INPP5A: variants seen among roughly 807,000 people sequenced by gnomAD.
INPP5A encodes 43 kDa inositol polyphosphate 5-phophatase.
INPP5A carries 14 observed loss-of-function variants against 65.2 expected under a neutral mutation model. The ratio of observed to expected loss-of-function variants is 0.21; its 90% CI spans 0.14 to 0.34. The LOEUF (loss-of-function observed/expected upper bound fraction) is 0.34. INPP5A is among the 10% of genes least tolerant of loss of function. The pLI is 1.00. For missense variants in INPP5A, 431 were observed against 545.6 expected, an observed-to-expected ratio of 0.79 and a Z score of 2.09; for synonymous variants, 207 against 208.3, an observed-to-expected ratio of 0.99 and a Z score of 0.05.
chr10:132,560,883 A>T lies in INPP5A; in HGVS notation c.75+22712A>T, dbSNP rs940556288. ...CTTGGCCTCCCAAAATGCTGGGATTATAGGTGTGAACCACCATGCCCAGGC... is the reference window on the plus strand; with the variant it reads ...CTTGGCCTCCCAAAATGCTGGGATTTTAGGTGTGAACCACCATGCCCAGGC... On this transcript the variant is annotated intron_variant, in intron 1 of 15. Transcript: ENST00000368594. Among the ~76,000 whole-genome samples, 4 of 151,222 alleles carry T rather than the reference A, an allele frequency of 2.6e-5. No homozygotes were observed. The East Asian group carries it at 7.8e-4, about 29-fold the overall frequency.
At chr10:132,690,526 C>A in intron 5 of INPP5A, 71 bp downstream of exon 5, 1 of 1,111,624 alleles carries the variant, frequency 9.0e-7, no homozygotes, top group Non-Finnish European at 1.4e-6. Context: ...CTTCCCCAGA[C>A]CTCTCCTGCC....
At chr10:132,591,014 G>T (rs994845228) in intron 1 of INPP5A, among the ~76,000 whole-genome samples, 1 of 152,202 alleles carries the variant, frequency 6.6e-6, no homozygotes, top group Non-Finnish European at 1.5e-5. Context: ...AGGTGGCATC[G>T]CCCCACTCCC....
rs1412425511 is a variant in INPP5A, at chr10:132,620,703, A to G, written c.117+12747A>G. On this transcript the variant is annotated intron_variant, in intron 2 of 15. Transcript: ENST00000368594. ...AAGAAATAATGAACTCAATAGTCCT[A>G]TATCTATTCAATTAAAAATTTGCCC... 3.3e-5 allele frequency among the ~76,000 whole-genome samples: 5 copies of G among 152,196 alleles called. No individual in the cohort carries two copies. The East Asian group carries it at 7.7e-4, about 23-fold the overall frequency.
chr10:132,696,110 C>T (rs1845339902), intron 5 of INPP5A, among the ~76,000 whole-genome samples: 1 of 152,226 alleles, frequency 6.6e-6, no homozygotes, highest in Non-Finnish European at 1.5e-5. Context: ...AACCTCATCT[C>T]CTAGCACCCT....
chr10:132,728,900 A>G (rs2134587546), intron 9 of INPP5A, among the ~76,000 whole-genome samples: 1 of 152,228 alleles, frequency 6.6e-6, no homozygotes, highest in Non-Finnish European at 1.5e-5. Flanking sequence ...CGTCGGGGGC[A>G]GTGGGAAGCC....
chr10:132,640,216 C>T (rs1265064738), intron 2 of INPP5A, among the ~76,000 whole-genome samples: 6 of 152,262 alleles, frequency 3.9e-5, no homozygotes, highest in South Asian at 2.1e-4. Context: ...TGATGAGGTA[C>T]AGACCATAAG....
intron 2 of INPP5A, among the ~76,000 whole-genome samples, chr10:132,643,520 A>C (rs1436229861): frequency 1.3e-5 from 2 of 152,208 alleles, no homozygotes; most frequent in Non-Finnish European, 2.9e-5. Context: ...AAATGAAATA[A>C]AATTAAATTA....
At chr10:132,566,849 G>T (rs2071280604) in intron 1 of INPP5A, among the ~76,000 whole-genome samples, 1 of 152,194 alleles carries the variant, frequency 6.6e-6, no homozygotes, top group South Asian at 2.1e-4. Context: ...TTTAACAAGA[G>T]AAAGAATAAT....
At chr10:132,756,897 C>T (rs536994940) in intron 11 of INPP5A, among the ~76,000 whole-genome samples, 65 of 152,246 alleles carry the variant, frequency 4.3e-4, no homozygotes, top group African/African-American at 1.4e-3. Context: ...TGACCCTGTG[C>T]GGGCCTAGGC....
In INPP5A at chr10:132,772,424, A is replaced by G. The variant is rs1189527357; in HGVS notation, c.978-5247A>G. 7.2e-3 allele frequency among the ~76,000 whole-genome samples: 612 copies of G among 84,574 alleles called. 14 individuals carry two copies. The highest frequency in any genetic ancestry group is 0.021 in the African/African-American group (442 of 20,790). 55.5% of individuals were successfully genotyped at this position (84,574 alleles called of 152,430 possible). A position where few individuals can be genotyped will look rare whatever the true frequency, so the allele number is the denominator to read the frequency against. On this transcript the variant is annotated intron_variant, in intron 12 of 15. Coordinates refer to ENST00000368594, the MANE Select transcript of INPP5A (RefSeq NM_005539.5). ...GCAGCCACCCCACGAGGAGTGGGACAGACACTCAGCACTGACACAGAGGCC... is the reference window on the plus strand; with the variant it reads ...GCAGCCACCCCACGAGGAGTGGGACGGACACTCAGCACTGACACAGAGGCC...
chr10:132,617,180 C>T (rs1202893630), intron 2 of INPP5A, among the ~76,000 whole-genome samples: 1 of 152,120 alleles, frequency 6.6e-6, no homozygotes, highest in African/African-American at 2.4e-5. Flanking sequence ...AGGTGGGGAG[C>T]CACGAAGCCA....
At chr10:132,739,174 A>G (rs117102637) in intron 9 of INPP5A, among the ~76,000 whole-genome samples, 5,963 of 151,986 alleles carry the variant, frequency 0.039, 154 homozygotes, top group Non-Finnish European at 0.06. Flanking sequence ...TTCGGTGCCC[A>G]CTCTGGTCCT....
intron 1 of INPP5A, among the ~76,000 whole-genome samples, chr10:132,568,261 T>C (rs951853893): frequency 4.0e-5 from 6 of 151,668 alleles, no homozygotes; most frequent in Non-Finnish European, 8.8e-5. Flanking sequence ...TGGTACCACC[T>C]GTGGAGGACC....
intron 1 of INPP5A, among the ~76,000 whole-genome samples, 162 bp from the exon 2 acceptor site, chr10:132,607,753 G>C (rs1046231907): frequency 1.4e-4 from 22 of 152,246 alleles, no homozygotes; most frequent in Admixed American, 6.5e-5. Context: ...GTCCCCGCGT[G>C]GGCCTGGGGT....
intron 2 of INPP5A, among the ~76,000 whole-genome samples, chr10:132,618,300 G>A (rs1041889940): frequency 2.6e-5 from 4 of 152,092 alleles, no homozygotes; most frequent in South Asian, 2.1e-4. Context: ...TGTGCTTCAC[G>A]GATGCAAGGC....
intron 2 of INPP5A, among the ~76,000 whole-genome samples, chr10:132,640,414 G>A (rs2072411492): frequency 6.6e-6 from 1 of 152,232 alleles, no homozygotes; most frequent in Non-Finnish European, 1.5e-5. Context: ...GGCTAGCCTG[G>A]GTTTCTTTCT....
At chr10:132,581,070 T>G (rs1189485944) in intron 1 of INPP5A, among the ~76,000 whole-genome samples, 1 of 152,164 alleles carries the variant, frequency 6.6e-6, no homozygotes, top group Non-Finnish European at 1.5e-5. Flanking sequence ...CTCTTGTGGG[T>G]TTTCCCTCAC....
intron 8 of INPP5A, among the ~76,000 whole-genome samples, chr10:132,724,284 G>A (rs148721243): frequency 3.9e-4 from 59 of 152,322 alleles, no homozygotes; most frequent in African/African-American, 1.3e-3. Context: ...AAATGGTGCC[G>A]ATCAATTGAC....
chr10:132,685,421 C>T (rs1199000626), intron 4 of INPP5A, among the ~76,000 whole-genome samples: 5 of 152,380 alleles, frequency 3.3e-5, no homozygotes, highest in African/African-American at 7.2e-5. Flanking sequence ...CTTTCTGTCT[C>T]GAGCAGAGTG....
Sources: gnomAD v4.1 joint callset for allele counts (sites outside exome capture counted in the v4.1 genomes callset) on GRCh38, gnomAD v4.1.1 for gene constraint, MANE v1.5 for transcripts, NCBI Gene and HGNC (gene_info 2026-07-23, HGNC 2026-07-21) for gene names.